Variants in EXOC4 observed in about 807,000 individuals in gnomAD.
The protein encoded by EXOC4 is SEC8-like 1.
A neutral mutation model predicts 107.2 loss-of-function variants in EXOC4; 71 were observed. That is an observed-to-expected ratio of 0.66 (90% confidence interval 0.55 to 0.81). EXOC4 has a LOEUF of 0.81. Ranked by LOEUF, EXOC4 falls within the 30% of genes least tolerant of loss-of-function variation. The probability of loss-of-function intolerance (pLI) is 0.00; values close to 1 mark genes in which losing one functional copy is unlikely to be tolerated. For missense variants in EXOC4, 1,108 were observed against 1,189.6 expected (o/e 0.93, Z 1.01); for synonymous variants, 456 against 441.2 (o/e 1.03, Z -0.42).
At chr7:134,008,667 G>T (rs1467910219) in intron 17 of EXOC4, among the ~76,000 whole-genome samples, 1 of 151,986 alleles carries the variant, frequency 6.6e-6, no homozygotes, top group African/African-American at 2.4e-5. Flanking sequence ...TTAAGTGACA[G>T]GGTATTGCTC....
chr7:133,763,020 G>T (rs771551644), intron 10 of EXOC4, among the ~76,000 whole-genome samples: 1 of 152,090 alleles, frequency 6.6e-6, no homozygotes, highest in Non-Finnish European at 1.5e-5. Flanking sequence ...TGGCCAAAAG[G>T]TTAGCATGTT....
intron 10 of EXOC4, among the ~76,000 whole-genome samples, chr7:133,631,090 A>C (rs890258004): frequency 1.3e-5 from 2 of 152,160 alleles, no homozygotes; most frequent in African/African-American, 4.8e-5. Context: ...ACAATTTTTA[A>C]AATGCACCTT....
rs765685274 is a variant in EXOC4, at chr7:133,817,302, CCTT to C, written c.1515-19_1515-17del. The C allele has an allele frequency of 1.9e-6, 3 of 1,543,308 alleles. No individual in the cohort carries two copies. In the African/African-American group the frequency reaches 4.1e-5, roughly 21 times the overall value. Reference sequence around the variant, plus strand: ...AACATTTTCCTCATAAATTTAATAACCTTCTTACTGTTTGTCCTCCAGATTTAT... The same window carrying C: ...AACATTTTCCTCATAAATTTAATAACCTTACTGTTTGTCCTCCAGATTTAT... On this transcript the variant is annotated intron_variant, in intron 10 of 17. Coordinates refer to ENST00000253861, the MANE Select transcript of EXOC4 (RefSeq NM_021807.4).
chr7:133,875,308 T>G (rs1433438917), intron 11 of EXOC4, among the ~76,000 whole-genome samples: 1 of 152,222 alleles, frequency 6.6e-6, no homozygotes, highest in Non-Finnish European at 1.5e-5. Flanking sequence ...TGCTATGGTG[T>G]TGTTTTTAGC....
At chr7:133,953,084 T>C (rs540131317) in intron 14 of EXOC4, among the ~76,000 whole-genome samples, 1 of 152,344 alleles carries the variant, frequency 6.6e-6, no homozygotes, top group Admixed American at 6.5e-5. Context: ...CTCAACTCTC[T>C]GATTGCTTAT....
At chr7:133,361,595 A>G (rs1452475190) in intron 6 of EXOC4, among the ~76,000 whole-genome samples, 1 of 152,134 alleles carries the variant, frequency 6.6e-6, no homozygotes, top group Non-Finnish European at 1.5e-5. Context: ...AGATGATACC[A>G]ATTTTTCATG....
intron 11 of EXOC4, among the ~76,000 whole-genome samples, chr7:133,880,350 C>G (rs1411882293): frequency 1.3e-5 from 2 of 152,154 alleles, no homozygotes; most frequent in African/African-American, 4.8e-5. Context: ...CATGTAGCAT[C>G]TTCTATTTAG....
intron 5 of EXOC4, among the ~76,000 whole-genome samples, chr7:133,355,990 C>T (rs144907834): frequency 1.1e-4 from 16 of 152,222 alleles, no homozygotes; most frequent in African/African-American, 2.4e-4. Flanking sequence ...TCTCTTGCAG[C>T]GCCACATATG....
At position 133,356,359 on chromosome 7, in the gene EXOC4, G is replaced by A. The variant is rs1467507501; in HGVS notation, c.793G>A (p.Glu265Lys). The A allele has an allele frequency of 1.6e-5, 26 of 1,613,856 alleles. No individual in the cohort carries two copies. Among genetic ancestry groups the A allele is most frequent in the Non-Finnish European group, 2.0e-5 (24 of 1,179,936 alleles). ...GGAGATAAATCTGCAGGACATCAAG[G>A]AAGATTTAGAATTGGATCCAGAGGA... ...VREINLQDIK[E>K]DLELDPEENS... Residue 265 changes from glutamate to lysine, a missense_variant, in exon 6 of 18, where the codon GAA becomes AAA. Physicochemically the swap from Glu to Lys is moderately conservative, Grantham distance 56. Transcript: ENST00000253861.
intron 1 of EXOC4, among the ~76,000 whole-genome samples, chr7:133,267,515 C>T (rs1278735199): frequency 2.0e-5 from 3 of 152,170 alleles, no homozygotes; most frequent in South Asian, 2.1e-4. Context: ...ATCCGAGAGG[C>T]CCTCCCTGGC....
chr7:133,258,184 G>C (rs1351010938), intron 1 of EXOC4, among the ~76,000 whole-genome samples: 1 of 151,968 alleles, frequency 6.6e-6, no homozygotes, highest in African/African-American at 2.4e-5. Context: ...GGAAGTCCTG[G>C]GATGTCTGGC....
At chr7:133,776,909 G>A (rs1263291104) in intron 10 of EXOC4, among the ~76,000 whole-genome samples, 1 of 152,024 alleles carries the variant, frequency 6.6e-6, no homozygotes, top group African/African-American at 2.4e-5. Context: ...GTAATTCACT[G>A]CCATATTAAA....
At chr7:133,601,877 T>C (rs1228784361) in intron 9 of EXOC4, 1 of 152,312 alleles carries the variant, frequency 6.6e-6, no homozygotes, top group Non-Finnish European at 1.5e-5. Context: ...TGTGTGTGTG[T>C]TGCCAGCTTG....
At chr7:134,090,661 G>A in the EXOC4 span, among the ~76,000 whole-genome samples, 1 of 152,060 alleles carries the variant, frequency 6.6e-6, no homozygotes, top group Non-Finnish European at 1.5e-5. Flanking sequence ...TAACATTCAG[G>A]CAGCCACTTG....
chr7:134,100,405 C>T, the EXOC4 span, among the ~76,000 whole-genome samples: 3 of 128,522 alleles, frequency 2.3e-5, 1 homozygote, highest in East Asian at 6.5e-4. Context: ...TTAAGCCACC[C>T]AGCATGTGGT....
At chr7:133,344,032 G>A (rs1429680441) in intron 5 of EXOC4, among the ~76,000 whole-genome samples, 1 of 151,910 alleles carries the variant, frequency 6.6e-6, no homozygotes, top group Non-Finnish European at 1.5e-5. Context: ...GCCCAGAATG[G>A]TCTCAAACTC....
chr7:133,789,920 A>G (rs1342931670), intron 10 of EXOC4, among the ~76,000 whole-genome samples: 2 of 152,204 alleles, frequency 1.3e-5, no homozygotes, highest in Admixed American at 1.3e-4. Flanking sequence ...CATAGGTTTT[A>G]AAGTATCCAA....
At chr7:133,395,545 G>A (rs750946678) in intron 7 of EXOC4, among the ~76,000 whole-genome samples, 1 of 152,132 alleles carries the variant, frequency 6.6e-6, no homozygotes, top group South Asian at 2.1e-4. Context: ...TATCAAAGGA[G>A]CAAGTGAATA....
intron 14 of EXOC4, among the ~76,000 whole-genome samples, chr7:133,940,712 G>A (rs1800405844): frequency 6.6e-6 from 1 of 152,100 alleles, no homozygotes; most frequent in Admixed American, 6.5e-5. Context: ...CTCTGATAAT[G>A]GCTTACTTTG....
Sources: allele counts gnomAD v4.1 joint callset (sites outside exome capture counted in the v4.1 genomes callset), GRCh38; gene constraint gnomAD v4.1.1; transcripts MANE v1.5; gene names NCBI Gene and HGNC (gene_info 2026-07-23, HGNC 2026-07-21).